FAM184B: variants seen among roughly 807,000 people sequenced by gnomAD.
FAM184B encodes protein FAM184B.
Under a neutral mutation model 135.9 loss-of-function variants are expected in FAM184B, and 111 were observed. The observed-to-expected ratio is 0.82, with a 90% CI of 0.70 to 0.96. The LOEUF is 0.96. FAM184B is among the 40% of genes least tolerant of loss of function. The pLI is 0.00. For synonymous variants in FAM184B, 552 were observed against 524.8 expected (o/e 1.05, Z -0.71); for missense variants, 1,375 against 1,323.9 (o/e 1.04, Z -0.60).
At chr4:17,640,923 G>C (rs936190207) in intron 13 of FAM184B, among the ~76,000 whole-genome samples, 4 of 152,010 alleles carry the variant, frequency 2.6e-5, no homozygotes, top group Admixed American at 2.6e-4. Flanking sequence ...TGACAGGCCA[G>C]GTTTTTTGTT....
At chr4:17,632,913 G>C (rs1432021731) in intron 17 of FAM184B, 2 of 222,858 alleles carry the variant, frequency 9.0e-6, no homozygotes, top group Non-Finnish European at 1.8e-5. Flanking sequence ...CAAACCTACA[G>C]ATCAAGAGAC....
At chr4:17,640,481 C>CA (rs200666429) in intron 13 of FAM184B, among the ~76,000 whole-genome samples, 6,893 of 127,350 alleles carry the variant, frequency 0.054, 454 homozygotes, top group African/African-American at 0.16. Context: ...AAGACTGTCT[C>CA]AAAAAAAAAA....
intron 1 of FAM184B, among the ~76,000 whole-genome samples, chr4:17,743,260 G>A (rs1284043530): frequency 1.3e-5 from 2 of 152,362 alleles, no homozygotes; most frequent in South Asian, 2.1e-4. Context: ...TGGCTGGGAT[G>A]GGGGTGGGGA....
intron 12 of FAM184B, among the ~76,000 whole-genome samples, chr4:17,645,046 C>G (rs1715431056): frequency 6.6e-6 from 1 of 152,114 alleles, no homozygotes; most frequent in African/African-American, 2.4e-5. Context: ...AGGATCTCTT[C>G]AAGAACTACA....
At chr4:17,645,203 A>G (rs1337574526) in intron 12 of FAM184B, among the ~76,000 whole-genome samples, 2 of 152,188 alleles carry the variant, frequency 1.3e-5, no homozygotes, top group African/African-American at 4.8e-5. Flanking sequence ...GCTACCAATG[A>G]CTTTCTTCAC....
At chr4:17,662,736 T>C (rs11724864) in intron 8 of FAM184B, among the ~76,000 whole-genome samples, 2,263 of 152,328 alleles carry the variant, frequency 0.015, 25 homozygotes, top group Non-Finnish European at 0.021. Context: ...TCTAAAGTGA[T>C]TTACCATTTT....
At chr4:17,765,786 T>G (rs548111209) in intron 1 of FAM184B, among the ~76,000 whole-genome samples, 1 of 152,352 alleles carries the variant, frequency 6.6e-6, no homozygotes, top group African/African-American at 2.4e-5. Flanking sequence ...AGTGTTACAG[T>G]ACTTAAAGGT....
At chr4:17,713,890 C>G (rs1372763713) in intron 1 of FAM184B, among the ~76,000 whole-genome samples, 1 of 152,044 alleles carries the variant, frequency 6.6e-6, no homozygotes, top group African/African-American at 2.4e-5. Flanking sequence ...GAGAGTCAGA[C>G]AAGAAAATGG....
At chr4:17,737,690 T>C (rs1717943129) in intron 1 of FAM184B, among the ~76,000 whole-genome samples, 1 of 152,090 alleles carries the variant, frequency 6.6e-6, no homozygotes, top group Non-Finnish European at 1.5e-5. Flanking sequence ...TCAAAGTCCC[T>C]CATGAGAAGG....
chr4:17,647,801 G>T lies in FAM184B; in HGVS notation c.2192-10C>A, dbSNP rs1033038705. On this transcript the variant is annotated splice_polypyrimidine_tract_variant and intron_variant, in intron 11 of 17. Transcript: ENST00000265018. ...TCCTGTCTGAGCGACTCTGGAAAAG[G>T]GAGAGCAGCAGTGAGTTAGGCGTTG... 6.5e-7 allele frequency: 1 copy of T among 1,548,482 alleles called. No individual in the cohort carries two copies. Among genetic ancestry groups the T allele is most frequent in the Non-Finnish European group, 8.7e-7 (1 of 1,145,826 alleles).
chr4:17,771,030 C>T (rs1718808699), intron 1 of FAM184B, among the ~76,000 whole-genome samples: 1 of 152,172 alleles, frequency 6.6e-6, no homozygotes, highest in Non-Finnish European at 1.5e-5. Context: ...TTATCTGTTC[C>T]TCCGTTGATG....
intron 1 of FAM184B, among the ~76,000 whole-genome samples, chr4:17,721,052 G>A (rs981183713): frequency 7.9e-5 from 12 of 151,888 alleles, no homozygotes; most frequent in African/African-American, 2.9e-4. Flanking sequence ...CCCAAAGAGT[G>A]GCTGGCTCAT....
rs949366195 is a variant in FAM184B at position 17,642,190 on chromosome 4, G to T, written c.2385C>A (p.Gly795=). The T allele has an allele frequency of 2.0e-6, 3 of 1,527,096 alleles. No individual in the cohort carries two copies. The highest frequency in any genetic ancestry group is 1.4e-5 in the African/African-American group (1 of 71,502). The allele number at this position is 1,527,096 out of a possible 1,614,324, so 94.6% of individuals were successfully genotyped here. The part of the protein sequence containing the change: ...GGPGQAGSPP[G]AAGQGSGEGC... ...CCTCGCCGGAACCCTGCCCAGCAGC[G>T]CCCGGTGGGGAGCCGGCCTGGCCCG... The change falls in exon 13 of 18, where the codon GGC becomes GGA. Residue 795 remains glycine, a synonymous_variant. Coordinates refer to ENST00000265018, the MANE Select transcript of FAM184B (RefSeq NM_015688.2).
rs574728573 is a variant in FAM184B at position 17,658,424 on chromosome 4, T to A, written c.1963A>T (p.Met655Leu). 25 of 1,551,642 alleles carry A rather than the reference T, an allele frequency of 1.6e-5. No homozygotes were observed. In the East Asian group the frequency reaches 5.1e-4, roughly 32 times the overall value. ...TGGGAAGCCTCGAGCTGGGCTTTCA[T>A]GGCGTGGTTCTGCTGAGTGGTCTCC... The part of the protein sequence containing the change: ...LQETTQQNHA[M>L]KAQLEASHQR... The change falls in exon 10 of 18, where the codon ATG (methionine) becomes TTG (leucine). Residue 655 changes from methionine (M) to leucine (L), a missense_variant. Met to Leu is a conservative substitution (Grantham distance 15). Coordinates refer to ENST00000265018, the MANE Select transcript of FAM184B (RefSeq NM_015688.2).
chr4:17,640,206 C>T (rs1410135199), intron 13 of FAM184B, among the ~76,000 whole-genome samples: 1 of 150,960 alleles, frequency 6.6e-6, no homozygotes, highest in Non-Finnish European at 1.5e-5. Context: ...GGTGCGGTGG[C>T]TCACATCTGT....
At chr4:17,636,774 G>A (rs1715152401) in intron 14 of FAM184B, 129 bp from the exon 15 acceptor site, 4 of 734,544 alleles carry the variant, frequency 5.4e-6, no homozygotes, top group South Asian at 1.9e-5. Context: ...TAGCAGCAGC[G>A]GCTTGCCCAG....
intron 12 of FAM184B, 115 bp downstream of exon 12, chr4:17,647,522 T>G: frequency 1.5e-6 from 2 of 1,314,286 alleles, no homozygotes; most frequent in Non-Finnish European, 1.0e-6. Context: ...AGTGCTAGAT[T>G]CCAAGTGTGA....
At chr4:17,706,468 G>T (rs999844141) in intron 3 of FAM184B, among the ~76,000 whole-genome samples, 2 of 152,156 alleles carry the variant, frequency 1.3e-5, no homozygotes, top group Non-Finnish European at 2.9e-5. Flanking sequence ...AGGCCCATGA[G>T]CTCCCTGAAG....
intron 1 of FAM184B, among the ~76,000 whole-genome samples, chr4:17,765,889 A>C (rs1006955512): frequency 1.3e-5 from 2 of 151,956 alleles, no homozygotes; most frequent in Admixed American, 6.6e-5. Flanking sequence ...TCAGAAGTGA[A>C]GCTGCAGACC....
Sources: gnomAD v4.1 joint callset for allele counts (sites outside exome capture counted in the v4.1 genomes callset) on GRCh38, gnomAD v4.1.1 for gene constraint, MANE v1.5 for transcripts, NCBI Gene and HGNC (gene_info 2026-07-23, HGNC 2026-07-21) for gene names.